Variants in CTNNA3 observed in about 807,000 individuals in gnomAD.
CTNNA3 encodes catenin alpha 3.
In CTNNA3, 76 loss-of-function variants were observed where a neutral mutation model predicts 95.7. The ratio of observed to expected loss-of-function variants is 0.79; its 90% confidence interval spans 0.66 to 0.96. CTNNA3 has a LOEUF of 0.96. Ranked by LOEUF, CTNNA3 falls within the 40% of genes least tolerant of loss-of-function variation. The pLI is 0.00. For missense variants in CTNNA3, 1,191 were observed against 1,089.8 expected (o/e 1.09, Z -1.31); for synonymous variants, 431 against 374.4 (o/e 1.15, Z -1.74).
At chr10:66,584,312 A>G (rs1843289801) in intron 10 of CTNNA3, among the ~76,000 whole-genome samples, 1 of 151,560 alleles carries the variant, frequency 6.6e-6, no homozygotes, top group Non-Finnish European at 1.5e-5. Flanking sequence ...GTTACTATGT[A>G]TTTTCTTTTT....
intron 13 of CTNNA3, among the ~76,000 whole-genome samples, chr10:66,195,816 C>T (rs1589697043): frequency 6.6e-6 from 1 of 152,246 alleles, no homozygotes; most frequent in Admixed American, 6.5e-5. Flanking sequence ...AACATATATA[C>T]AGAATGTTAA....
chr10:66,432,841 C>G (rs981958746), intron 11 of CTNNA3, among the ~76,000 whole-genome samples: 3 of 151,970 alleles, frequency 2.0e-5, no homozygotes, highest in African/African-American at 7.3e-5. Flanking sequence ...ATGTTCCTTT[C>G]CCTGTGCCCA....
intron 9 of CTNNA3, among the ~76,000 whole-genome samples, chr10:66,654,289 A>C (rs570987653): frequency 1.3e-5 from 2 of 152,190 alleles, no homozygotes; most frequent in Admixed American, 6.5e-5. Context: ...AAAATAGGCA[A>C]AATATCTGAA....
At chr10:66,230,967 T>G (rs2089557057) in intron 13 of CTNNA3, among the ~76,000 whole-genome samples, 1 of 152,052 alleles carries the variant, frequency 6.6e-6, no homozygotes, top group Non-Finnish European at 1.5e-5. Flanking sequence ...GATATGGAGG[T>G]GCAGGGGCTA....
chr10:65,939,857 T>C (rs1411485940), intron 17 of CTNNA3, among the ~76,000 whole-genome samples: 2 of 152,142 alleles, frequency 1.3e-5, no homozygotes, highest in Non-Finnish European at 2.9e-5. Context: ...TGTGGTGGTA[T>C]TTTGGGAAAA....
intron 11 of CTNNA3, among the ~76,000 whole-genome samples, chr10:66,460,105 G>A (rs1258217819): frequency 1.3e-5 from 2 of 151,970 alleles, no homozygotes; most frequent in African/African-American, 2.4e-5. Flanking sequence ...CTGATTATAC[G>A]TTCTGTACTG....
At chr10:67,640,897 A>G (rs1839507245) in intron 2 of CTNNA3, among the ~76,000 whole-genome samples, 1 of 152,228 alleles carries the variant, frequency 6.6e-6, no homozygotes. Flanking sequence ...AAAACCATAA[A>G]AACCCTAGAA....
chr10:66,786,817 T>C (rs916387196), intron 7 of CTNNA3, among the ~76,000 whole-genome samples: 2 of 152,108 alleles, frequency 1.3e-5, no homozygotes, highest in Non-Finnish European at 2.9e-5. Flanking sequence ...ATATGTAGAA[T>C]ATTGACCATT....
chr10:67,069,460 G>A (rs2131842502), intron 7 of CTNNA3, among the ~76,000 whole-genome samples: 1 of 152,076 alleles, frequency 6.6e-6, no homozygotes, highest in Middle Eastern at 3.4e-3. Flanking sequence ...TATATTATAT[G>A]TATACATATC....
intron 1 of CTNNA3, among the ~76,000 whole-genome samples, chr10:67,692,920 ACTTT>A (rs1323024485): frequency 1.3e-5 from 2 of 152,116 alleles, no homozygotes; most frequent in African/African-American, 4.8e-5. Flanking sequence ...TATTTGAGAG[ACTTT>A]CTTTGCACTA....
rs567375398 is a variant in CTNNA3, at chr10:66,278,774, G to A, written c.1884+1696C>T. Among the ~76,000 whole-genome samples the A allele has an allele frequency of 5.3e-5, 8 of 152,154 alleles. No individual in the cohort carries two copies. The South Asian group carries it at 1.0e-3, about 20-fold the overall frequency. On this transcript the variant is annotated intron_variant, in intron 13 of 17. Transcript: ENST00000433211. ...TTTATATTCTCAAATATCCACTCAG[G>A]AATAGTGAAAATGGAGAGGTTTCAC... is the stretch of plus-strand genomic sequence containing the variant.
At chr10:65,992,671 T>C (rs1030465959) in intron 15 of CTNNA3, among the ~76,000 whole-genome samples, 4 of 152,082 alleles carry the variant, frequency 2.6e-5, no homozygotes, top group African/African-American at 9.6e-5. Flanking sequence ...ATTTAATTTT[T>C]TATCTTTTCA....
chr10:66,849,661 C>T (rs547583465), intron 7 of CTNNA3, among the ~76,000 whole-genome samples: 158 of 152,126 alleles, frequency 1.0e-3, no homozygotes, highest in Non-Finnish European at 1.8e-3. Flanking sequence ...CATGTAAAGT[C>T]GGAGGCAGAG....
intron 10 of CTNNA3, among the ~76,000 whole-genome samples, chr10:66,568,538 T>C (rs1842779103): frequency 6.6e-6 from 1 of 151,956 alleles, no homozygotes; most frequent in Non-Finnish European, 1.5e-5. Context: ...ATCTTGGGGG[T>C]GGCCACTTCT....
chr10:66,138,577 C>G (rs1420196792), intron 13 of CTNNA3, among the ~76,000 whole-genome samples: 6 of 152,148 alleles, frequency 3.9e-5, no homozygotes, highest in Non-Finnish European at 8.8e-5. Context: ...ACCTATAATT[C>G]CAGCACTTTG....
At chr10:65,990,103 A>AC (rs2078511164) in intron 15 of CTNNA3, among the ~76,000 whole-genome samples, 1 of 149,688 alleles carries the variant, frequency 6.7e-6, no homozygotes, top group African/African-American at 2.5e-5. Flanking sequence ...GTATACACAC[A>AC]CACACACCAC....
chr10:66,271,800 A>G (rs1472786275), intron 13 of CTNNA3, among the ~76,000 whole-genome samples: 2 of 152,186 alleles, frequency 1.3e-5, no homozygotes, highest in Non-Finnish European at 2.9e-5. Flanking sequence ...CTTTGGTGAA[A>G]GAGCACTTCC....
chr10:67,333,677 G>A (rs1841881911), intron 5 of CTNNA3, among the ~76,000 whole-genome samples: 1 of 152,104 alleles, frequency 6.6e-6, no homozygotes, highest in Non-Finnish European at 1.5e-5. Flanking sequence ...AGTACATGAT[G>A]GAGTAAAAAG....
chr10:66,814,014 G>A (rs1043050053), intron 7 of CTNNA3, among the ~76,000 whole-genome samples: 6 of 152,136 alleles, frequency 3.9e-5, no homozygotes, highest in Non-Finnish European at 5.9e-5. Context: ...AGAGCTGCTA[G>A]AAAATATATT....
Sources: gnomAD v4.1 joint callset for allele counts (sites outside exome capture counted in the v4.1 genomes callset) on GRCh38, gnomAD v4.1.1 for gene constraint, MANE v1.5 for transcripts, NCBI Gene and HGNC (gene_info 2026-07-23, HGNC 2026-07-21) for gene names.